Variants in EFCAB6 observed in about 807,000 individuals in gnomAD.
EFCAB6 encodes the protein EF-hand calcium binding domain 6.
EFCAB6 carries 156 observed loss-of-function variants against 169.8 expected under a neutral mutation model. The ratio of observed to expected loss-of-function variants is 0.92; its 90% CI spans 0.81 to 1.05. The LOEUF is 1.05. Among genes scored for constraint, EFCAB6 ranks in the 50% least tolerant of loss-of-function variants. The pLI is 0.00. For missense variants in EFCAB6, 1,800 were observed against 1,829.1 expected (o/e 0.98, Z 0.29); for synonymous variants, 698 against 676.4 (o/e 1.03, Z -0.50).
chr22:43,593,748 T>C (rs1458455576), intron 23 of EFCAB6, among the ~76,000 whole-genome samples: 2 of 152,032 alleles, frequency 1.3e-5, no homozygotes, highest in East Asian at 3.9e-4. Flanking sequence ...CTATAGGAGG[T>C]GGTGGGACAG....
intron 23 of EFCAB6, among the ~76,000 whole-genome samples, chr22:43,595,080 A>G (rs1234240246): frequency 1.3e-5 from 2 of 152,202 alleles, no homozygotes; most frequent in Non-Finnish European, 2.9e-5. Context: ...GAAGCAGATG[A>G]AAATGGAAAT....
At chr22:43,534,103 T>A (rs1322608364) in intron 30 of EFCAB6, among the ~76,000 whole-genome samples, 1 of 152,174 alleles carries the variant, frequency 6.6e-6, no homozygotes, top group Non-Finnish European at 1.5e-5. Context: ...TGACTCTGTG[T>A]CTCCACCCAA....
intron 21 of EFCAB6, among the ~76,000 whole-genome samples, chr22:43,609,182 A>C (rs958047724): frequency 1.3e-5 from 2 of 152,242 alleles, no homozygotes; most frequent in Non-Finnish European, 2.9e-5. Flanking sequence ...GATGAGGTGG[A>C]TATAACGGGT....
intron 10 of EFCAB6, among the ~76,000 whole-genome samples, chr22:43,702,272 G>A (rs905047194): frequency 5.9e-5 from 9 of 152,172 alleles, no homozygotes; most frequent in Non-Finnish European, 1.3e-4. Flanking sequence ...TAATAAAAGG[G>A]AGAGGTGAAG....
At chr22:43,732,147 G>T (rs534329609) in intron 7 of EFCAB6, among the ~76,000 whole-genome samples, 1 of 152,146 alleles carries the variant, frequency 6.6e-6, no homozygotes, top group Admixed American at 6.6e-5. Context: ...CTGTCTGCAC[G>T]GCAGCTGCCT....
chr22:43,726,581 A>G (rs1337003348), intron 8 of EFCAB6, among the ~76,000 whole-genome samples: 1 of 152,250 alleles, frequency 6.6e-6, no homozygotes, highest in African/African-American at 2.4e-5. Context: ...AGTGGCTAGA[A>G]TTTGGATATA....
chr22:43,616,009 G>T, intron 20 of EFCAB6, 87 bp from the exon 21 acceptor site: 1 of 1,065,342 alleles, frequency 9.4e-7, no homozygotes, highest in Non-Finnish European at 1.3e-6. Flanking sequence ...CCCCCTGTTT[G>T]TTTCAAGGAT....
At chr22:43,785,399 T>C (rs2062040137) in intron 2 of EFCAB6, among the ~76,000 whole-genome samples, 2 of 150,944 alleles carry the variant, frequency 1.3e-5, no homozygotes, top group South Asian at 4.2e-4. Context: ...AACAACACAC[T>C]CCTAAATAAC....
intron 10 of EFCAB6, among the ~76,000 whole-genome samples, chr22:43,695,679 T>C (rs1450971889): frequency 1.3e-5 from 2 of 152,074 alleles, no homozygotes; most frequent in African/African-American, 2.4e-5. Context: ...CTCACACTTA[T>C]ATGGTTAGTT....
At chr22:43,761,252 T>A (rs2061153261) in intron 5 of EFCAB6, among the ~76,000 whole-genome samples, 1 of 152,212 alleles carries the variant, frequency 6.6e-6, no homozygotes, top group African/African-American at 2.4e-5. Context: ...TCTTACACAC[T>A]ATAGTACCCA....
Position 43,667,163 on chromosome 22 carries a change from GTT to G in EFCAB6, c.1922_1923del (p.Lys641ThrfsTer4). On this transcript the variant is annotated frameshift_variant, in exon 17 of 32. Transcript: ENST00000262726. LOFTEE classifies it high-confidence loss of function. The stretch of plus-strand genomic sequence containing the variant: ...GGCTCCTTGCTGAAGTCAAGAAATC[GTT>G]TTTTGAATGCCGGGTCCTGCTGCTG... The part of the protein sequence containing the change: ...CIQQQDPAFK[K>X]RFLDFSKEPN... The G allele has an allele frequency of 6.2e-7, 1 of 1,613,972 alleles. No individual in the cohort carries two copies. The highest frequency in any genetic ancestry group is 8.5e-7 in the Non-Finnish European group (1 of 1,179,974).
At chr22:43,777,027 CA>C (rs1002710960) in intron 3 of EFCAB6, among the ~76,000 whole-genome samples, 1 of 152,094 alleles carries the variant, frequency 6.6e-6, no homozygotes, top group Non-Finnish European at 1.5e-5. Flanking sequence ...TGAAGGTAGA[CA>C]AAAAGTAGAC....
At chr22:43,590,473 ACTTTGT>A (rs1220399353) in intron 23 of EFCAB6, among the ~76,000 whole-genome samples, 1 of 152,230 alleles carries the variant, frequency 6.6e-6, no homozygotes, top group Non-Finnish European at 1.5e-5. Context: ...AGAAATTACA[ACTTTGT>A]CTTTGTACTA....
At chr22:43,543,268 C>A (rs1363669224) in intron 27 of EFCAB6, among the ~76,000 whole-genome samples, 1 of 152,180 alleles carries the variant, frequency 6.6e-6, no homozygotes, top group East Asian at 1.9e-4. Flanking sequence ...TGAACAAATT[C>A]TGAAGGCCAC....
intron 17 of EFCAB6, among the ~76,000 whole-genome samples, chr22:43,652,199 A>G (rs2056505891): frequency 6.6e-6 from 1 of 152,130 alleles, no homozygotes; most frequent in Admixed American, 6.5e-5. Context: ...GGTGGGAGGT[A>G]ATTGAATCAT....
chr22:43,545,934 T>C (rs1417017878), intron 27 of EFCAB6, among the ~76,000 whole-genome samples: 1 of 152,068 alleles, frequency 6.6e-6, no homozygotes, highest in African/African-American at 2.4e-5. Flanking sequence ...TTTCATGAAA[T>C]AAAAATCACT....
chr22:43,541,636 A>G (rs7292065), intron 27 of EFCAB6, among the ~76,000 whole-genome samples: 19,201 of 152,146 alleles, frequency 0.13, 1,458 homozygotes, highest in African/African-American at 0.21. Flanking sequence ...TGAGGATGTG[A>G]CTGCGGTGTC....
rs200755477 is a variant in EFCAB6 at position 43,528,870 on chromosome 22, G to A, written c.4489C>T (p.Arg1497Trp). 1.0e-4 allele frequency: 164 copies of A among 1,610,390 alleles called. 2 individuals carry two copies. In the Middle Eastern group the frequency reaches 9.6e-3, roughly 94 times the overall value. Reference protein sequence around the residue: ...SSKISYNDFLRAFLQ With the variant: ...SSKISYNDFLWAFLQ Reference sequence around the variant, plus strand: ...AGGGGTGTCTACTGGAGGAATGCCCGGAGGAAGTCGTTGTAGGAGATTTTT... The same window carrying A: ...AGGGGTGTCTACTGGAGGAATGCCCAGAGGAAGTCGTTGTAGGAGATTTTT... The change falls in exon 32 of 32, where the codon CGG becomes TGG. Residue 1497 changes from arginine to tryptophan, a missense_variant. Transcript: ENST00000262726.
chr22:43,547,600 C>G (rs913660141), intron 27 of EFCAB6, among the ~76,000 whole-genome samples: 1 of 151,842 alleles, frequency 6.6e-6, no homozygotes, highest in Non-Finnish European at 1.5e-5. Flanking sequence ...ATCAACCAAC[C>G]AACAAACCAT....
Sources: allele counts gnomAD v4.1 joint callset (sites outside exome capture counted in the v4.1 genomes callset), GRCh38; gene constraint gnomAD v4.1.1; transcripts MANE v1.5; gene names NCBI Gene and HGNC (gene_info 2026-07-23, HGNC 2026-07-21).